The following SECISBP2L variants were observed in gnomAD, a reference collection of about 807,000 sequenced individuals.
The protein encoded by SECISBP2L is SECIS binding protein 2 like, also known as selenocysteine insertion sequence-binding protein 2-like.
Under a neutral mutation model 114.7 loss-of-function variants are expected in SECISBP2L, and 43 were observed. That is an observed-to-expected ratio of 0.38 (90% CI 0.29 to 0.48). The LOEUF (loss-of-function observed/expected upper bound fraction) is 0.48. SECISBP2L is among the 20% of genes least tolerant of loss of function. The probability of loss-of-function intolerance (pLI) is 0.98; values close to 1 mark genes in which losing one functional copy is unlikely to be tolerated. For missense variants in SECISBP2L, 1,136 were observed against 1,301.1 expected (o/e 0.87, Z 1.95); for synonymous variants, 451 against 439.7 (o/e 1.03, Z -0.32).
Position 49,016,831 on chromosome 15 carries a change from T to C in SECISBP2L, c.1419+17A>G, listed in dbSNP as rs768247501. On this transcript the variant is annotated intron_variant, in intron 10 of 17. Transcript: ENST00000559471. The stretch of plus-strand genomic sequence containing the variant: ...GCAAGTAAACTATCACATTTGTTCA[T>C]AAAAATGAATATGTACCTGTAATTT... 2 of 1,606,524 alleles carry C rather than the reference T, an allele frequency of 1.2e-6. No homozygotes were observed. Among genetic ancestry groups the C allele is most frequent in the South Asian group, 2.2e-5 (2 of 89,582 alleles).
At position 48,996,557 on chromosome 15, in the gene SECISBP2L, A is replaced by T. The variant is rs1309035748; in HGVS notation, c.2433T>A (p.Thr811=). 6.2e-7 allele frequency: 1 copy of T among 1,613,884 alleles called. No individual in the cohort carries two copies. Among genetic ancestry groups the T allele is most frequent in the Admixed American group, 1.7e-5 (1 of 59,970 alleles). The change falls in exon 17 of 18, where the codon ACT becomes ACA. Residue 811 remains threonine (T), a synonymous_variant. Coordinates refer to ENST00000559471, the MANE Select transcript of SECISBP2L (RefSeq NM_001193489.2). ...CTTTATATGCTTTCCTGGCCTCCTCAGTGAGTTCTACTAATTTATTAAACA... is the reference window on the plus strand; with the variant it reads ...CTTTATATGCTTTCCTGGCCTCCTCTGTGAGTTCTACTAATTTATTAAACA... ...ESLFNKLVEL[T]EEARKAYKDM... is the part of the protein sequence containing the mutation.
At chr15:49,041,943 G>A (rs917372659) in intron 1 of SECISBP2L, among the ~76,000 whole-genome samples, 2 of 152,132 alleles carry the variant, frequency 1.3e-5, no homozygotes, top group African/African-American at 4.8e-5. Flanking sequence ...GTACTTACAC[G>A]TGTAAGTTTC....
chr15:49,037,763 T>G lies in SECISBP2L; in HGVS notation c.31A>C (p.Lys11Gln), dbSNP rs1184917439. 1 of 1,596,380 alleles carries G rather than the reference T, an allele frequency of 6.3e-7. No homozygotes were observed. Among genetic ancestry groups the G allele is most frequent in the Admixed American group, 1.7e-5 (1 of 58,490 alleles). Residue 11 changes from lysine to glutamine, a missense_variant, in exon 2 of 18, where the codon AAG (lysine) becomes CAG (glutamine). Lys to Gln is a moderately conservative substitution (Grantham distance 53, BLOSUM62 1). Transcript: ENST00000559471. MDRAPTEQNV[K>Q]LSAEVEPFIP... is the part of the protein sequence containing the mutation. ...AATGGCTCCACCTCAGCTGACAGCT[T>G]GACATTCTTCAAAGAGAAAGTAGAA... is the stretch of plus-strand genomic sequence containing the variant.
intron 4 of SECISBP2L, among the ~76,000 whole-genome samples, chr15:49,028,919 C>T (rs1595793276): frequency 6.6e-6 from 1 of 152,094 alleles, no homozygotes; most frequent in African/African-American, 2.4e-5. Context: ...AGGGCAGTGG[C>T]GCAATCTTGG....
chr15:49,032,872 C>G, intron 4 of SECISBP2L, 93 bp downstream of exon 4: 1 of 1,463,908 alleles, frequency 6.8e-7, no homozygotes. Context: ...TGAAAGTCTA[C>G]AATTCTGACA....
In SECISBP2L at chr15:49,019,568, A is replaced by AG; in HGVS notation, c.1036-17dup. The stretch of plus-strand genomic sequence containing the variant: ...TGAATCCAACCTAAGTAAACCCCAG[A>AG]GGGGAAAAAAAATCTAATTATTTTT... On this transcript the variant is annotated splice_polypyrimidine_tract_variant and intron_variant, in intron 7 of 17. Coordinates refer to ENST00000559471, the MANE Select transcript of SECISBP2L (RefSeq NM_001193489.2). 2 of 1,439,712 alleles carry AG rather than the reference A, an allele frequency of 1.4e-6. No individual in the cohort carries two copies. Among genetic ancestry groups the AG allele is most frequent in the Non-Finnish European group, 1.8e-6 (2 of 1,108,382 alleles). The allele number at this position is 1,439,712 out of a possible 1,614,324, so 89.2% of individuals were successfully genotyped here. A position where few individuals can be genotyped will look rare whatever the true frequency, so the allele number is the denominator to read the frequency against.
Position 49,017,556 on chromosome 15 carries a change from A to G in SECISBP2L, c.1243T>C (p.Ser415Pro), listed in dbSNP as rs766832937. ...KDENIQQKLSSKVLDDLPENS... is the reference protein window; with the variant it reads ...KDENIQQKLSPKVLDDLPENS... Reference sequence around the variant, plus strand: ...TTTAAAGAGTTACTTACTACTTTAGAAGAAAGTTTTTGTTGAATATTCTCA... The same window carrying G: ...TTTAAAGAGTTACTTACTACTTTAGGAGAAAGTTTTTGTTGAATATTCTCA... Residue 415 changes from serine (S) to proline (P), a missense_variant, in exon 9 of 18, where the codon TCT (serine) becomes CCT (proline). By Grantham distance (74) the Ser-to-Pro change is moderately conservative. This residue lies in a region of SECISBP2L where 684 missense variants were observed against 848.7 expected (regional missense o/e 0.81). Coordinates refer to ENST00000559471, the MANE Select transcript of SECISBP2L (RefSeq NM_001193489.2). The G allele has an allele frequency of 6.3e-7, 1 of 1,595,610 alleles. No individual in the cohort carries two copies. Among genetic ancestry groups the G allele is most frequent in the South Asian group, 1.1e-5 (1 of 88,832 alleles).
chr15:49,011,571 CA>C, intron 13 of SECISBP2L, 159 bp downstream of exon 13: 1 of 811,526 alleles, frequency 1.2e-6, no homozygotes, highest in Non-Finnish European at 1.9e-6. Context: ...CATCTCCCTA[CA>C]AAAGCATCTT....
intron 1 of SECISBP2L, among the ~76,000 whole-genome samples, chr15:49,039,582 T>A (rs1490276991): frequency 6.8e-6 from 1 of 147,216 alleles, no homozygotes; most frequent in Admixed American, 7.1e-5. Flanking sequence ...GAGGTGGAGG[T>A]GGGGTGCAGT....
rs565749314 is a variant in SECISBP2L at position 49,009,990 on chromosome 15, G to A, written c.1865-612C>T. On this transcript the variant is annotated intron_variant, in intron 13 of 17. Transcript: ENST00000559471. ...TACTAAAAATACAAATAAATTAGCCGGGCGTGGTGGCACATGCCTGTAGTC... is the reference window on the plus strand; with the variant it reads ...TACTAAAAATACAAATAAATTAGCCAGGCGTGGTGGCACATGCCTGTAGTC... Among the ~76,000 whole-genome samples, 43 of 151,208 alleles carry A rather than the reference G, an allele frequency of 2.8e-4. No homozygotes were observed. The South Asian group carries it at 8.2e-3, about 29-fold the overall frequency.
intron 1 of SECISBP2L, among the ~76,000 whole-genome samples, chr15:49,040,849 A>C (rs1266884243): frequency 1.3e-5 from 2 of 152,032 alleles, no homozygotes; most frequent in African/African-American, 4.8e-5. Flanking sequence ...ATCCCAAACT[A>C]TTCTTAAAAG....
chr15:49,040,449 G>A (rs1345058338), intron 1 of SECISBP2L, among the ~76,000 whole-genome samples: 1 of 151,556 alleles, frequency 6.6e-6, no homozygotes, highest in Non-Finnish European at 1.5e-5. Flanking sequence ...GTGACTTTGG[G>A]GCCTTCAGTA....
chr15:49,024,365 G>A (rs1389102160), intron 7 of SECISBP2L, among the ~76,000 whole-genome samples: 9 of 151,758 alleles, frequency 5.9e-5, no homozygotes, highest in Admixed American at 1.3e-4. Context: ...ATGTGGTGGC[G>A]GGCACCTGTA....
At chr15:49,014,425 A>T (rs1902496873) in intron 11 of SECISBP2L, among the ~76,000 whole-genome samples, 1 of 152,184 alleles carries the variant, frequency 6.6e-6, no homozygotes. Context: ...AAACTCACTG[A>T]CTTGTAACCT....
At chr15:49,024,496 C>CAA (rs72031518) in intron 7 of SECISBP2L, among the ~76,000 whole-genome samples, 3 of 82,758 alleles carry the variant, frequency 3.6e-5, no homozygotes, top group South Asian at 3.8e-4. Context: ...GACTCTGTCT[C>CAA]AAAAAAAAAA....
At chr15:49,035,249 A>T in intron 3 of SECISBP2L, 85 bp downstream of exon 3, 1 of 1,157,832 alleles carries the variant, frequency 8.6e-7, no homozygotes, top group Non-Finnish European at 1.2e-6. Flanking sequence ...ATTCAGCATT[A>T]ATGGTCAATC....
At chr15:49,029,919 T>G (rs904907377) in intron 4 of SECISBP2L, among the ~76,000 whole-genome samples, 3 of 151,762 alleles carry the variant, frequency 2.0e-5, no homozygotes, top group Non-Finnish European at 2.9e-5. Flanking sequence ...TTTTTACTTT[T>G]AGCCACAGTG....
chr15:48,993,571 T>A (rs1250076458), intron 17 of SECISBP2L, among the ~76,000 whole-genome samples: 11 of 152,180 alleles, frequency 7.2e-5, no homozygotes, highest in Admixed American at 6.5e-4. Context: ...GTTTGTACCA[T>A]GCTCACTCAG....
In SECISBP2L at chr15:48,992,662, G is replaced by A. The variant is rs1407333875; in HGVS notation, c.2888C>T (p.Ser963Phe). The change falls in exon 18 of 18, where the codon TCT (serine) becomes TTT (phenylalanine). Residue 963 changes from serine (S) to phenylalanine (F), a missense_variant. Ser to Phe is a radical substitution (Grantham distance 155). Transcript: ENST00000559471. ...AAGATCTCGGCAACTGCCATCCAAA[G>A]AGCCAGTCTCTGTACTCTGCTGTGA... Reference protein sequence around the residue: ...WASQQSTETGSLDGSCRDLLN... With the variant: ...WASQQSTETGFLDGSCRDLLN... The A allele has an allele frequency of 1.2e-6, 2 of 1,614,054 alleles. No individual in the cohort carries two copies. The highest frequency in any genetic ancestry group is 8.5e-7 in the Non-Finnish European group (1 of 1,180,046).
Sources: gnomAD v4.1 joint callset for allele counts (sites outside exome capture counted in the v4.1 genomes callset) on GRCh38, gnomAD v4.1.1 for gene constraint, gnomAD v4.1.1 regional missense constraint, MANE v1.5 for transcripts, NCBI Gene and HGNC (gene_info 2026-07-23, HGNC 2026-07-21) for gene names.